Variants in STK32B observed in about 807,000 individuals in gnomAD.
The protein encoded by STK32B is serine/threonine kinase 32B, also known as serine/threonine-protein kinase 32B.
In STK32B, 43 loss-of-function variants were observed where a neutral mutation model predicts 52.6. That is an observed-to-expected ratio of 0.82 (90% CI 0.64 to 1.05). The LOEUF is 1.05. Among genes scored for constraint, STK32B ranks in the 50% least tolerant of loss-of-function variants. The pLI, the probability that STK32B is intolerant of heterozygous loss-of-function variation, is 0.00. For synonymous variants in STK32B, 238 were observed against 204.3 expected (o/e 1.17, Z -1.41); for missense variants, 621 against 534.6 (o/e 1.16, Z -1.59).
intron 3 of STK32B, among the ~76,000 whole-genome samples, chr4:5,242,875 A>G (rs1014308770): frequency 7.2e-5 from 11 of 152,286 alleles, no homozygotes; most frequent in Non-Finnish European, 1.2e-4. Context: ...TTTGTCAAAG[A>G]TCAGATGGTT....
At chr4:5,356,741 A>C (rs1462699268) in intron 4 of STK32B, among the ~76,000 whole-genome samples, 6 of 152,160 alleles carry the variant, frequency 3.9e-5, no homozygotes, top group Non-Finnish European at 8.8e-5. Flanking sequence ...TCACGCCTGT[A>C]ATCCCAGCAC....
chr4:5,452,277 G>A (rs750797273), intron 7 of STK32B, among the ~76,000 whole-genome samples: 25 of 152,156 alleles, frequency 1.6e-4, no homozygotes, highest in Non-Finnish European at 3.1e-4. Flanking sequence ...AGAGGCCAGC[G>A]AGTGGAGGGA....
chr4:5,355,860 C>T (rs1003370785), intron 4 of STK32B, among the ~76,000 whole-genome samples: 1 of 152,198 alleles, frequency 6.6e-6, no homozygotes, highest in Non-Finnish European at 1.5e-5. Flanking sequence ...AAACCTCAAG[C>T]ACCACTTTAT....
intron 6 of STK32B, among the ~76,000 whole-genome samples, chr4:5,431,840 A>G (rs895235528): frequency 2.6e-5 from 4 of 152,168 alleles, no homozygotes; most frequent in African/African-American, 7.2e-5. Context: ...AGTTCATTTG[A>G]CTAGCCAAGA....
intron 1 of STK32B, among the ~76,000 whole-genome samples, chr4:5,108,701 C>T (rs538836169): frequency 2.0e-5 from 3 of 152,228 alleles, no homozygotes; most frequent in South Asian, 2.1e-4. Context: ...CTCGCAGAGT[C>T]GGTAGTTCAA....
intron 5 of STK32B, among the ~76,000 whole-genome samples, chr4:5,404,989 C>T (rs886665224): frequency 3.3e-5 from 5 of 150,868 alleles, no homozygotes. Flanking sequence ...GCCTCAGCCT[C>T]CTAAGTAGCT....
At chr4:5,086,191 A>G (rs1577058780) in intron 1 of STK32B, among the ~76,000 whole-genome samples, 1 of 152,212 alleles carries the variant, frequency 6.6e-6, no homozygotes, top group African/African-American at 2.4e-5. Flanking sequence ...AGGCTTGTGC[A>G]CCTGCCTCGA....
In STK32B at chr4:5,246,535, G is replaced by A. The variant is rs140773151; in HGVS notation, c.260+78085G>A. ...TGGTTCAAACTTCCTCCTTTAGCTC[G>A]GAGTAGTTTGATCTTCTGCAGCCTT... On this transcript the variant is annotated intron_variant, in intron 3 of 11. Coordinates refer to ENST00000282908, the MANE Select transcript of STK32B (RefSeq NM_018401.3). Among the ~76,000 whole-genome samples the A allele has an allele frequency of 4.2e-3, 641 of 152,132 alleles. 6 individuals are homozygous for A. The highest frequency in any genetic ancestry group is 0.015 in the African/African-American group (606 of 41,492).
At chr4:5,137,623 CTG>C (rs1411919315) in intron 1 of STK32B, among the ~76,000 whole-genome samples, 4 of 152,162 alleles carry the variant, frequency 2.6e-5, no homozygotes, top group African/African-American at 9.7e-5. Context: ...AATGAGATAA[CTG>C]AGGCACACAG....
intron 1 of STK32B, among the ~76,000 whole-genome samples, chr4:5,102,436 G>GCTTGCTTC (rs1389726585): frequency 6.1e-4 from 64 of 105,248 alleles, no homozygotes; most frequent in African/African-American, 2.2e-3. Context: ...CTCCTTCCTT[G>GCTTGCTTC]CTTCCTTCCT....
intron 2 of STK32B, among the ~76,000 whole-genome samples, chr4:5,152,148 T>C (rs1178314043): frequency 6.6e-6 from 1 of 152,180 alleles, no homozygotes; most frequent in Non-Finnish European, 1.5e-5. Context: ...TCGTCAGCAA[T>C]TGATGAAGTG....
chr4:5,066,014 A>G (rs1309246647), intron 1 of STK32B, among the ~76,000 whole-genome samples: 1 of 152,076 alleles, frequency 6.6e-6, no homozygotes, highest in Non-Finnish European at 1.5e-5. Context: ...GTGAGCCACC[A>G]TGCCTGGCCA....
intron 3 of STK32B, among the ~76,000 whole-genome samples, chr4:5,265,070 T>G (rs1166561478): frequency 6.6e-6 from 1 of 152,220 alleles, no homozygotes; most frequent in Non-Finnish European, 1.5e-5. Flanking sequence ...ATAGATCTAT[T>G]ACTGATCTCA....
At chr4:5,332,954 A>G (rs148105222) in intron 4 of STK32B, among the ~76,000 whole-genome samples, 3 of 152,290 alleles carry the variant, frequency 2.0e-5, no homozygotes, top group African/African-American at 4.8e-5. Context: ...CGCAATAAAC[A>G]TAAGTGTGCA....
At chr4:5,332,156 G>A (rs935244966) in intron 4 of STK32B, among the ~76,000 whole-genome samples, 3 of 152,162 alleles carry the variant, frequency 2.0e-5, no homozygotes, top group African/African-American at 7.2e-5. Flanking sequence ...GACAGATTAA[G>A]CATATACGTC....
intron 1 of STK32B, among the ~76,000 whole-genome samples, chr4:5,066,505 C>T (rs1263577863): frequency 5.9e-5 from 9 of 152,238 alleles, no homozygotes; most frequent in East Asian, 3.9e-4. Context: ...CATTGCTCTC[C>T]GGTCAAAGAT....
chr4:5,433,509 G>A (rs1282740122), intron 6 of STK32B, among the ~76,000 whole-genome samples: 4 of 152,136 alleles, frequency 2.6e-5, no homozygotes, highest in African/African-American at 7.2e-5. Flanking sequence ...TAGGAGACTT[G>A]GGTTCTAGTC....
chr4:5,422,421 G>T (rs1458246308), intron 6 of STK32B, among the ~76,000 whole-genome samples: 2 of 152,148 alleles, frequency 1.3e-5, no homozygotes, highest in African/African-American at 4.8e-5. Flanking sequence ...TGATGAGTAA[G>T]CTCCCAGAGG....
intron 3 of STK32B, among the ~76,000 whole-genome samples, chr4:5,218,216 T>C (rs1363296086): frequency 3.3e-5 from 5 of 152,184 alleles, no homozygotes; most frequent in Non-Finnish European, 7.4e-5. Context: ...ATTGATTCCA[T>C]TTCTTGATGT....
Sources: allele counts gnomAD v4.1 joint callset (sites outside exome capture counted in the v4.1 genomes callset), GRCh38; gene constraint gnomAD v4.1.1; transcripts MANE v1.5; gene names NCBI Gene and HGNC (gene_info 2026-07-23, HGNC 2026-07-21).